DYNC2I1: variants seen among roughly 807,000 people sequenced by gnomAD.
The protein encoded by DYNC2I1 is dynein 2 intermediate chain 1.
Under a neutral mutation model 133.4 loss-of-function variants are expected in DYNC2I1, and 89 were observed. The observed-to-expected ratio is 0.67, with a 90% CI of 0.56 to 0.80. The LOEUF (loss-of-function observed/expected upper bound fraction) is 0.80, where lower values mean the gene tolerates loss of function less well. Ranked by LOEUF, DYNC2I1 falls within the 30% of genes least tolerant of loss-of-function variation. The probability of loss-of-function intolerance (pLI) is 0.00; values close to 1 mark genes in which losing one functional copy is unlikely to be tolerated. For synonymous variants in DYNC2I1, 504 were observed against 484.3 expected, an observed-to-expected ratio of 1.04 and a Z score of -0.54; for missense variants, 1,291 against 1,314.5, an observed-to-expected ratio of 0.98 and a Z score of 0.28.
intron 3 of DYNC2I1, among the ~76,000 whole-genome samples, chr7:158,874,973 G>A (rs1410571439): frequency 6.6e-6 from 1 of 152,010 alleles, no homozygotes; most frequent in Non-Finnish European, 1.5e-5. Flanking sequence ...CTGATGCCCT[G>A]CTTTCTCTTC....
intron 3 of DYNC2I1, among the ~76,000 whole-genome samples, chr7:158,874,305 T>G (rs185449625): frequency 6.6e-6 from 1 of 152,164 alleles, no homozygotes; most frequent in Admixed American, 6.5e-5. Flanking sequence ...CTTCCCAGGT[T>G]CAAGTGATCC....
chr7:158,907,662 T>G (rs1017654823), intron 11 of DYNC2I1, among the ~76,000 whole-genome samples: 2 of 152,162 alleles, frequency 1.3e-5, no homozygotes, highest in Non-Finnish European at 1.5e-5. Context: ...CAGGCTGGAA[T>G]GCAGTGGCAT....
chr7:158,884,288 G>A (rs913167204), intron 5 of DYNC2I1, among the ~76,000 whole-genome samples: 3 of 151,814 alleles, frequency 2.0e-5, no homozygotes, highest in South Asian at 2.1e-4. Flanking sequence ...CAGGTGATGC[G>A]CCCGCCTTGG....
the DYNC2I1 span, among the ~76,000 whole-genome samples, chr7:158,845,248 T>A: frequency 2.6e-5 from 4 of 151,906 alleles, no homozygotes; most frequent in East Asian, 7.7e-4. Flanking sequence ...GTATGGTGAG[T>A]GTGTTGTGTA....
chr7:158,844,129 C>CCT, the DYNC2I1 span, among the ~76,000 whole-genome samples: 3 of 152,112 alleles, frequency 2.0e-5, no homozygotes, highest in African/African-American at 7.2e-5. Flanking sequence ...CAGTCTCTCT[C>CCT]CTCTCTCTCT....
intron 23 of DYNC2I1, among the ~76,000 whole-genome samples, chr7:158,940,884 AAGAC>A (rs1456564180): frequency 6.6e-6 from 1 of 152,214 alleles, no homozygotes; most frequent in Middle Eastern, 3.2e-3. Context: ...AAAAAGTAGA[AAGAC>A]TTCAAATAAA....
At chr7:158,958,090 C>CGTCAGCCACAGCCACACCCT (rs1852246642), downstream of DYNC2I1, among the ~76,000 whole-genome samples, 3 of 33,852 alleles carry the variant, frequency 8.9e-5, no homozygotes, top group East Asian at 1.3e-3. Flanking sequence ...AGACACGCCC[C>CGTCAGCCACAGCCACACCCT]AGGTCGTGGA....
chr7:158,898,279 C>T (rs1845926255), intron 8 of DYNC2I1, among the ~76,000 whole-genome samples: 1 of 152,178 alleles, frequency 6.6e-6, no homozygotes, highest in African/African-American at 2.4e-5. Context: ...TGGAGTTCAG[C>T]TATATCCTTA....
intron 4 of DYNC2I1, among the ~76,000 whole-genome samples, chr7:158,955,579 C>T (rs1428118604): frequency 6.6e-6 from 1 of 152,222 alleles, no homozygotes; most frequent in Non-Finnish European, 1.5e-5. Context: ...GTGGTTCTGG[C>T]GCTGCCTTGT....
At chr7:158,885,338 A>G (rs1032200413) in intron 6 of DYNC2I1, among the ~76,000 whole-genome samples, 1 of 150,066 alleles carries the variant, frequency 6.7e-6, no homozygotes, top group Non-Finnish European at 1.5e-5. Flanking sequence ...GAGTTTATGT[A>G]TAAACTCTTT....
intron 6 of DYNC2I1, among the ~76,000 whole-genome samples, chr7:158,885,424 C>T (rs1844504050): frequency 6.6e-6 from 1 of 151,922 alleles, no homozygotes; most frequent in Non-Finnish European, 1.5e-5. Context: ...TCACTGCAAC[C>T]TCCGCCTCCC....
chr7:158,869,949 T>A, intron 2 of DYNC2I1, 41 bp downstream of exon 2: 1 of 1,577,584 alleles, frequency 6.3e-7, no homozygotes, highest in Non-Finnish European at 8.7e-7. Flanking sequence ...TGTGCAGGAC[T>A]CGTGTGGTTT....
At chr7:158,871,595 C>T (rs1842885311) in intron 3 of DYNC2I1, 33 bp downstream of exon 3, 2 of 1,494,550 alleles carry the variant, frequency 1.3e-6, no homozygotes, top group Non-Finnish European at 1.8e-6. Context: ...GTGGTTCCAC[C>T]CGAGGTGCCG....
At chr7:158,947,057 C>T (rs138945783), downstream of DYNC2I1, among the ~76,000 whole-genome samples, 987 of 152,324 alleles carry the variant, frequency 6.5e-3, 9 homozygotes, top group African/African-American at 0.022. Context: ...AACTGTTGGC[C>T]GCTGAATTCC....
chr7:158,898,964 A>T (rs1288522522), intron 8 of DYNC2I1, among the ~76,000 whole-genome samples: 4 of 151,808 alleles, frequency 2.6e-5, no homozygotes, highest in African/African-American at 9.7e-5. Context: ...CATTCCTTGT[A>T]TCCTTGCTGT....
chr7:158,873,147 A>G (rs1322989551), intron 3 of DYNC2I1, among the ~76,000 whole-genome samples: 1 of 152,218 alleles, frequency 6.6e-6, no homozygotes, highest in Non-Finnish European at 1.5e-5. Context: ...ATTTAGCTAA[A>G]TTCCTAGGAA....
intron 6 of DYNC2I1, among the ~76,000 whole-genome samples, chr7:158,886,434 G>A (rs377449470): frequency 3.2e-4 from 48 of 152,126 alleles, no homozygotes; most frequent in African/African-American, 9.9e-4. Flanking sequence ...GCGCCCGGCC[G>A]AGAACTTGTA....
At chr7:158,948,679 C>T (rs1851960681), downstream of DYNC2I1, among the ~76,000 whole-genome samples, 2 of 152,280 alleles carry the variant, frequency 1.3e-5, no homozygotes, top group South Asian at 4.1e-4. Context: ...ACTTTTATTC[C>T]TGGAGGCTAC....
chr7:158,886,746 G>A (rs1844646674), intron 6 of DYNC2I1, among the ~76,000 whole-genome samples: 1 of 152,088 alleles, frequency 6.6e-6, no homozygotes, highest in African/African-American at 2.4e-5. Context: ...TGAGACTACA[G>A]GCATGTGCCA....
Sources: allele counts gnomAD v4.1 joint callset (sites outside exome capture counted in the v4.1 genomes callset), GRCh38; gene constraint gnomAD v4.1.1; transcripts MANE v1.5; gene names NCBI Gene and HGNC (gene_info 2026-07-23, HGNC 2026-07-21).